NOL4L: variants seen among roughly 807,000 people sequenced by gnomAD.
NOL4L encodes the protein nucleolar protein 4-like.
Under a neutral mutation model 64.5 loss-of-function variants are expected in NOL4L, and 7 were observed. That is an observed-to-expected ratio of 0.11 (90% CI 0.06 to 0.20). The LOEUF (loss-of-function observed/expected upper bound fraction) is 0.20. Among genes scored for constraint, NOL4L ranks in the 10% least tolerant of loss-of-function variants. The probability of loss-of-function intolerance (pLI) is 1.00; values close to 1 mark genes in which losing one functional copy is unlikely to be tolerated. For missense variants in NOL4L, 680 were observed against 967.1 expected, an observed-to-expected ratio of 0.70 and a Z score of 3.94; for synonymous variants, 413 against 401.0, an observed-to-expected ratio of 1.03 and a Z score of -0.36.
chr20:32,490,348 G>C (rs996204902), intron 4 of NOL4L, among the ~76,000 whole-genome samples: 4 of 152,042 alleles, frequency 2.6e-5, no homozygotes, highest in East Asian at 3.9e-4. Context: ...CTGGGGGACT[G>C]GGGGGTGAGA....
chr20:32,511,920 C>A (rs776998592), intron 3 of NOL4L, among the ~76,000 whole-genome samples: 1 of 152,066 alleles, frequency 6.6e-6, no homozygotes, highest in Non-Finnish European at 1.5e-5. Flanking sequence ...GTGGGAGGAT[C>A]GCTTGAGGCC....
At chr20:32,493,783 ACAC>A (rs1373687483) in intron 4 of NOL4L, among the ~76,000 whole-genome samples, 1 of 152,178 alleles carries the variant, frequency 6.6e-6, no homozygotes, top group East Asian at 1.9e-4. Context: ...TGAGATAAGC[ACAC>A]CTGGGTCTGT....
chr20:32,469,457 C>T (rs1439466417), intron 5 of NOL4L, among the ~76,000 whole-genome samples: 8 of 151,318 alleles, frequency 5.3e-5, no homozygotes, highest in Admixed American at 5.3e-4. Flanking sequence ...CTGTAACCTC[C>T]GCCTCCCGGG....
In NOL4L at chr20:32,474,151, G is replaced by A. The variant is rs565121968; in HGVS notation, c.841+450C>T. ...TCCCAAGGGGCTAGGGTGAATGTGG[G>A]CAGCTGCACTGCCTGGTCACTCACC... On this transcript the variant is annotated intron_variant, in intron 5 of 10. Coordinates refer to ENST00000621426, the MANE Select transcript of NOL4L (RefSeq NM_001256798.2). 3.9e-5 allele frequency among the ~76,000 whole-genome samples: 6 copies of A among 152,382 alleles called. No individual in the cohort carries two copies. In the South Asian group the frequency reaches 6.2e-4, roughly 16 times the overall value.
chr20:32,568,029 TCAC>T (rs753938165), intron 1 of NOL4L, among the ~76,000 whole-genome samples: 39 of 151,128 alleles, frequency 2.6e-4, no homozygotes, highest in African/African-American at 4.9e-4. Flanking sequence ...ACCACCATCA[TCAC>T]CACATCAACA....
chr20:32,473,934 C>T lies in NOL4L; in HGVS notation c.841+667G>A, dbSNP rs559123096. Among the ~76,000 whole-genome samples the T allele has an allele frequency of 9.2e-5, 14 of 152,338 alleles. No homozygotes were observed. In the East Asian group the frequency reaches 2.5e-3, roughly 27 times the overall value. On this transcript the variant is annotated intron_variant, in intron 5 of 10. Transcript: ENST00000621426. ...AGGTAGATGCCAGGGTCCCAGAGCC[C>T]AACCACTTGGGGGAGTCCACGTGGA...
At position 32,494,277 on chromosome 20, in the gene NOL4L, A is replaced by C. The variant is rs1212177097; in HGVS notation, c.699+17070T>G. ...GGAAAAAAAAAAAAAAAAAAAAAAAAAAAAACACACAACACACACACACAC... is the reference window on the plus strand; with the variant it reads ...GGAAAAAAAAAAAAAAAAAAAAAAACAAAAACACACAACACACACACACAC... On this transcript the variant is annotated intron_variant, in intron 4 of 10. Coordinates refer to ENST00000621426, the MANE Select transcript of NOL4L (RefSeq NM_001256798.2). Among the ~76,000 whole-genome samples, 155 of 79,658 alleles carry C rather than the reference A, an allele frequency of 1.9e-3. 3 individuals carry two copies. Among genetic ancestry groups the C allele is most frequent in the African/African-American group, 5.3e-3 (127 of 24,190 alleles). The allele number at this position is 79,658 out of a possible 152,430, so 52.3% of individuals were successfully genotyped here.
chr20:32,532,505 C>A (rs1241950215), intron 1 of NOL4L: 2 of 335,274 alleles, frequency 6.0e-6, no homozygotes, highest in Non-Finnish European at 8.5e-6. Flanking sequence ...TAATAACCTT[C>A]ATGCTAAATG....
chr20:32,542,476 C>CTGA (rs2018672045), intron 1 of NOL4L, among the ~76,000 whole-genome samples: 1 of 152,202 alleles, frequency 6.6e-6, no homozygotes, highest in Non-Finnish European at 1.5e-5. Context: ...ACCTCAGCCT[C>CTGA]CCAAGTAACT....
At position 32,500,989 on chromosome 20, in the gene NOL4L, G is replaced by A. The variant is rs140429474; in HGVS notation, c.699+10358C>T. ...TGCATAAGCAATCTAAATAATTTAC[G>A]TTGATAATTCACCCTAAAAAAGGCA... On this transcript the variant is annotated intron_variant, in intron 4 of 10. Coordinates refer to ENST00000621426, the MANE Select transcript of NOL4L (RefSeq NM_001256798.2). 1.1e-4 allele frequency among the ~76,000 whole-genome samples: 17 copies of A among 152,270 alleles called. 1 individual carries two copies. Among genetic ancestry groups the A allele is most frequent in the East Asian group, 7.7e-4 (4 of 5,184 alleles).
At position 32,478,799 on chromosome 20, in the gene NOL4L, C is replaced by A. The variant is rs2015557819; in HGVS notation, c.700-4057G>T. Among the ~76,000 whole-genome samples, 5 of 152,300 alleles carry A rather than the reference C, an allele frequency of 3.3e-5. No individual in the cohort carries two copies. The South Asian group carries it at 1.0e-3, about 32-fold the overall frequency. ...AGAGACAAGGGCTCACTATATCGCCCAGGCTGGCCTCGAACTCCTGGGCTC... is the reference window on the plus strand; with the variant it reads ...AGAGACAAGGGCTCACTATATCGCCAAGGCTGGCCTCGAACTCCTGGGCTC... On this transcript the variant is annotated intron_variant, in intron 4 of 10. Coordinates refer to ENST00000621426, the MANE Select transcript of NOL4L (RefSeq NM_001256798.2).
At chr20:32,574,216 C>T (rs1345436614) in intron 1 of NOL4L, among the ~76,000 whole-genome samples, 1 of 152,256 alleles carries the variant, frequency 6.6e-6, no homozygotes, top group African/African-American at 2.4e-5. Context: ...TCTGCCCAGT[C>T]AAGAGCCCCT....
At position 32,536,802 on chromosome 20, in the gene NOL4L, G is replaced by GGT. The variant is rs2018543249; in HGVS notation, c.322-8890_322-8889insAC. ...GCGGCTGCAGCCCGGCTGGGAGTGG[G>GGT]GGGGGGGGGGCGCACCAACGGGGCG... On this transcript the variant is annotated intron_variant, in intron 1 of 10. Coordinates refer to ENST00000621426, the MANE Select transcript of NOL4L (RefSeq NM_001256798.2). 4.6e-5 allele frequency among the ~76,000 whole-genome samples: 3 copies of GGT among 65,904 alleles called. No homozygotes were observed. The South Asian group carries it at 2.1e-3, about 46-fold the overall frequency. 43.2% of individuals were successfully genotyped at this position (65,904 alleles called of 152,430 possible). A position where few individuals can be genotyped will look rare whatever the true frequency, so the allele number is the denominator to read the frequency against.
Position 32,447,371 on chromosome 20 carries a change from A to T in NOL4L, c.*225T>A. The T allele has an allele frequency of 1.6e-6, 1 of 623,016 alleles. No individual in the cohort carries two copies. The highest frequency in any genetic ancestry group is 2.7e-6 in the Non-Finnish European group (1 of 374,962). The allele number at this position is 623,016 out of a possible 1,614,324, so 38.6% of individuals were successfully genotyped here. A position where few individuals can be genotyped will look rare whatever the true frequency, so the allele number is the denominator to read the frequency against. On this transcript the variant is annotated 3_prime_UTR_variant, in exon 11 of 11. Coordinates refer to ENST00000621426, the MANE Select transcript of NOL4L (RefSeq NM_001256798.2). ...CAGAGCTGCCCCGTTGGCCTCTTCC[A>T]AGCAGGTCAGAGCACCCGTGTGGTG...
At position 32,493,748 on chromosome 20, in the gene NOL4L, G is replaced by A. The variant is rs528067003; in HGVS notation, c.699+17599C>T. The stretch of plus-strand genomic sequence containing the variant: ...GAGCCCCTACTATGCTCCAAGGCCC[G>A]GTCCAGGTGCAGGGACTGCAGTGGT... On this transcript the variant is annotated intron_variant, in intron 4 of 10. Coordinates refer to ENST00000621426, the MANE Select transcript of NOL4L (RefSeq NM_001256798.2). Among the ~76,000 whole-genome samples the A allele has an allele frequency of 1.7e-3, 257 of 152,278 alleles. 2 individuals are homozygous for A. Among genetic ancestry groups the A allele is most frequent in the African/African-American group, 5.6e-3 (231 of 41,564 alleles).
chr20:32,464,986 C>T lies in NOL4L; in HGVS notation c.842-8591G>A. Reference sequence around the variant, plus strand: ...TCCTTGGCTAATGAATTAGACGTCACACACCTAGATCTTCCCCTAAAACTG... The same window carrying T: ...TCCTTGGCTAATGAATTAGACGTCATACACCTAGATCTTCCCCTAAAACTG... On this transcript the variant is annotated intron_variant, in intron 5 of 10. Transcript: ENST00000621426. The surrounding 1 kb of genome is among the most constrained non-coding windows in gnomAD (Gnocchi z 5.6). 3 of 585,846 alleles carry T rather than the reference C, an allele frequency of 5.1e-6. No homozygotes were observed. In the Middle Eastern group the frequency reaches 7.8e-4, roughly 152 times the overall value. 36.3% of individuals were successfully genotyped at this position (585,846 alleles called of 1,614,324 possible). A position where few individuals can be genotyped will look rare whatever the true frequency, so the allele number is the denominator to read the frequency against.
intron 1 of NOL4L, among the ~76,000 whole-genome samples, chr20:32,531,997 T>G (rs1395868248): frequency 6.6e-6 from 1 of 152,172 alleles, no homozygotes; most frequent in African/African-American, 2.4e-5. Context: ...CAAAGTGTAA[T>G]TGACCAACCC....
rs1038045765 is a variant in NOL4L, at chr20:32,463,734, G to A, written c.842-7339C>T. ...CAGCAAACAATGCCCTTATGTGGGC[G>A]CCAGTGCCCCGCAGCCCGCACAAGC... On this transcript the variant is annotated intron_variant, in intron 5 of 10. Coordinates refer to ENST00000621426, the MANE Select transcript of NOL4L (RefSeq NM_001256798.2). This position sits in a 1 kb window ranked among gnomAD's most constrained non-coding sequence, Gnocchi z 5.8. Among the ~76,000 whole-genome samples the A allele has an allele frequency of 2.6e-5, 4 of 152,274 alleles. No homozygotes were observed. Among genetic ancestry groups the A allele is most frequent in the African/African-American group, 4.8e-5 (2 of 41,568 alleles).
At chr20:32,488,823 T>TC (rs1568648694) in intron 4 of NOL4L, among the ~76,000 whole-genome samples, 7 of 17,648 alleles carry the variant, frequency 4.0e-4, no homozygotes, top group South Asian at 1.9e-3. Context: ...CTTTCTTTCT[T>TC]TCTTTTTCTT....
Sources: allele counts gnomAD v4.1 joint callset (sites outside exome capture counted in the v4.1 genomes callset), GRCh38; gene constraint gnomAD v4.1.1; non-coding constraint Gnocchi (gnomAD v3.1); transcripts MANE v1.5; gene names NCBI Gene and HGNC (gene_info 2026-07-23, HGNC 2026-07-21).